GLIS1: variants seen among roughly 807,000 people sequenced by gnomAD.
The protein encoded by GLIS1 is zinc finger protein GLIS1.
GLIS1 carries 24 observed loss-of-function variants against 63.8 expected under a neutral mutation model. That is an observed-to-expected ratio of 0.38 (90% CI 0.27 to 0.53). GLIS1 has a LOEUF of 0.53. Ranked by LOEUF, GLIS1 falls within the 20% of genes least tolerant of loss-of-function variation. The pLI, the probability that GLIS1 is intolerant of heterozygous loss-of-function variation, is 0.85. For missense variants in GLIS1, 1,036 were observed against 1,074.1 expected (o/e 0.96, Z 0.50); for synonymous variants, 450 against 482.5 (o/e 0.93, Z 0.88).
chr1:53,521,435 T>A (rs1293053184), intron 6 of GLIS1, among the ~76,000 whole-genome samples: 1 of 152,046 alleles, frequency 6.6e-6, no homozygotes, highest in South Asian at 2.1e-4. Flanking sequence ...TCGGATCCCA[T>A]CCTACCTCTT....
At chr1:53,691,783 A>G (rs1161815258) in intron 2 of GLIS1, among the ~76,000 whole-genome samples, 4 of 152,174 alleles carry the variant, frequency 2.6e-5, no homozygotes, top group African/African-American at 9.6e-5. Flanking sequence ...TATTCCTTTC[A>G]TGGCCAATCC....
intron 2 of GLIS1, among the ~76,000 whole-genome samples, chr1:53,704,740 G>A (rs554665577): frequency 6.6e-6 from 1 of 152,170 alleles, no homozygotes; most frequent in Non-Finnish European, 1.5e-5. Flanking sequence ...CTGGCTCTGT[G>A]GGCTCTAGCA....
chr1:53,575,383 C>T (rs1410383270), intron 4 of GLIS1, among the ~76,000 whole-genome samples: 3 of 152,322 alleles, frequency 2.0e-5, no homozygotes, highest in Non-Finnish European at 4.4e-5. Context: ...TCTTTGGCCT[C>T]CTCCATCACT....
At chr1:53,698,539 T>C (rs1646490256) in intron 2 of GLIS1, among the ~76,000 whole-genome samples, 1 of 152,208 alleles carries the variant, frequency 6.6e-6, no homozygotes, top group South Asian at 2.1e-4. Context: ...CCACTGCTTG[T>C]GGGCACTGGC....
At chr1:53,703,693 G>A (rs1270111473) in intron 2 of GLIS1, among the ~76,000 whole-genome samples, 1 of 147,720 alleles carries the variant, frequency 6.8e-6, no homozygotes, top group African/African-American at 2.5e-5. Flanking sequence ...AATAGATCAA[G>A]GCAATAGGAC....
chr1:53,612,756 C>T (rs1645438367), intron 2 of GLIS1, among the ~76,000 whole-genome samples: 1 of 151,922 alleles, frequency 6.6e-6, no homozygotes, highest in African/African-American at 2.4e-5. Context: ...CACCTTAGTG[C>T]ATTTCCCTTC....
intron 2 of GLIS1, among the ~76,000 whole-genome samples, chr1:53,732,407 T>G (rs1303541598): frequency 1.3e-5 from 2 of 152,152 alleles, no homozygotes; most frequent in Non-Finnish European, 1.5e-5. Context: ...CCCCCTCTTT[T>G]CTGCTTTCCT....
chr1:53,625,455 G>T (rs1483485484), intron 2 of GLIS1, among the ~76,000 whole-genome samples: 1 of 152,184 alleles, frequency 6.6e-6, no homozygotes, highest in Non-Finnish European at 1.5e-5. Context: ...TGAAGTCATA[G>T]ATTCCATAGC....
At chr1:53,532,225 G>A (rs143872857) in intron 4 of GLIS1, among the ~76,000 whole-genome samples, 33 of 152,328 alleles carry the variant, frequency 2.2e-4, no homozygotes, top group African/African-American at 7.0e-4. Context: ...AGTGGGGACC[G>A]GGGGAGGAGA....
intron 2 of GLIS1, among the ~76,000 whole-genome samples, chr1:53,678,833 C>G (rs768606480): frequency 6.6e-6 from 1 of 152,156 alleles, no homozygotes; most frequent in African/African-American, 2.4e-5. Context: ...TGGAAAGCAC[C>G]GCACAAGCTG....
intron 2 of GLIS1, among the ~76,000 whole-genome samples, chr1:53,673,382 G>A (rs981989498): frequency 6.6e-6 from 1 of 152,238 alleles, no homozygotes; most frequent in Non-Finnish European, 1.5e-5. Context: ...ACACTGTGCT[G>A]AGGGAATGAA....
At chr1:53,696,147 G>A (rs1488401832) in intron 2 of GLIS1, among the ~76,000 whole-genome samples, 1 of 152,250 alleles carries the variant, frequency 6.6e-6, no homozygotes, top group Non-Finnish European at 1.5e-5. Flanking sequence ...GCTCCAAGCG[G>A]TTAATGCTTT....
At chr1:53,647,053 T>C (rs912579455) in intron 2 of GLIS1, among the ~76,000 whole-genome samples, 1 of 151,986 alleles carries the variant, frequency 6.6e-6, no homozygotes, top group Non-Finnish European at 1.5e-5. Context: ...CCTAAATGAA[T>C]TGAGAGATAA....
intron 4 of GLIS1, among the ~76,000 whole-genome samples, chr1:53,533,749 G>C (rs1278000827): frequency 6.6e-6 from 1 of 151,068 alleles, no homozygotes; most frequent in African/African-American, 2.5e-5. Context: ...TCTGCCTGCA[G>C]CTGGCTGCCA....
rs112664334 is a variant in GLIS1, at chr1:53,529,212, G to A, written c.1482+579C>T. Among the ~76,000 whole-genome samples, 624 of 152,356 alleles carry A rather than the reference G, an allele frequency of 4.1e-3. 4 individuals carry two copies. Among genetic ancestry groups the A allele is most frequent in the African/African-American group, 0.015 (606 of 41,592 alleles). ...TGCCTGGTGCAAACAAGGGAAGGAA[G>A]GTGGGAAGGGAGCCAGTATCTGGAG... On this transcript the variant is annotated intron_variant, in intron 5 of 10. Coordinates refer to ENST00000628545, the MANE Select transcript of GLIS1 (RefSeq NM_001367484.1).
At chr1:53,656,277 G>A (rs942115084) in intron 2 of GLIS1, among the ~76,000 whole-genome samples, 19 of 152,200 alleles carry the variant, frequency 1.2e-4, no homozygotes, top group African/African-American at 4.1e-4. Context: ...CCAGAGGGGA[G>A]TGCCCCATCC....
At chr1:53,626,774 G>A (rs938035363) in intron 2 of GLIS1, among the ~76,000 whole-genome samples, 9 of 152,166 alleles carry the variant, frequency 5.9e-5, no homozygotes, top group African/African-American at 2.2e-4. Context: ...CCTCCGAGGT[G>A]CAGACCCCAG....
At chr1:53,610,705 CACA>C (rs1335672749) in intron 2 of GLIS1, among the ~76,000 whole-genome samples, 5 of 152,188 alleles carry the variant, frequency 3.3e-5, no homozygotes, top group African/African-American at 4.8e-5. Flanking sequence ...AAATATGTGT[CACA>C]ACGTCTTCTG....
intron 4 of GLIS1, among the ~76,000 whole-genome samples, chr1:53,532,766 A>G (rs1644544113): frequency 6.6e-6 from 1 of 152,102 alleles, no homozygotes; most frequent in Admixed American, 6.5e-5. Context: ...ACTGTGGGAG[A>G]GTGCTGGAAG....
Sources: allele counts gnomAD v4.1 joint callset (sites outside exome capture counted in the v4.1 genomes callset), GRCh38; gene constraint gnomAD v4.1.1; transcripts MANE v1.5; gene names NCBI Gene and HGNC (gene_info 2026-07-23, HGNC 2026-07-21).